KAZN: variants seen among roughly 807,000 people sequenced by gnomAD.
KAZN encodes the protein kazrin.
KAZN carries 40 observed loss-of-function variants against 87.4 expected under a neutral mutation model. The observed-to-expected ratio is 0.46, with a 90% CI of 0.36 to 0.60. KAZN has a LOEUF of 0.60. Ranked by LOEUF, KAZN falls within the 20% of genes least tolerant of loss-of-function variation. The pLI, the probability that KAZN is intolerant of heterozygous loss-of-function variation, is 0.00. For synonymous variants in KAZN, 466 were observed against 458.3 expected (o/e 1.02, Z -0.22); for missense variants, 898 against 1,073.9 (o/e 0.84, Z 2.29).
chr1:14,943,595 C>A (rs185821256), intron 1 of KAZN, among the ~76,000 whole-genome samples: 5 of 152,318 alleles, frequency 3.3e-5, no homozygotes, highest in Admixed American at 3.3e-4. Flanking sequence ...ATGGTATAGA[C>A]CCCCAATTAA....
chr1:14,912,126 CAG>C lies in KAZN; in HGVS notation c.227-48550_227-48549del, dbSNP rs1333226321. Among the ~76,000 whole-genome samples the C allele has an allele frequency of 2.7e-5, 3 of 109,420 alleles. No individual in the cohort carries two copies. The South Asian group carries it at 9.7e-4, about 35-fold the overall frequency. The allele number at this position is 109,420 out of a possible 152,430, so 71.8% of individuals were successfully genotyped here. ...CACAACTGCACTCCAGCCTGGGTAACAGAGAGAGACTCCACCTCAAAAAAAAA... is the reference window on the plus strand; with the variant it reads ...CACAACTGCACTCCAGCCTGGGTAACAGAGAGACTCCACCTCAAAAAAAAA... On this transcript the variant is annotated intron_variant, in intron 1 of 14. Transcript: ENST00000376030.
At chr1:13,929,873 C>T (rs1640440970) in intron 1 of KAZN, among the ~76,000 whole-genome samples, 1 of 152,164 alleles carries the variant, frequency 6.6e-6, no homozygotes, top group African/African-American at 2.4e-5. Flanking sequence ...GTAGCAACTG[C>T]CTGCAGTAGG....
intron 4 of KAZN, among the ~76,000 whole-genome samples, chr1:15,047,093 C>T (rs558049310): frequency 8.5e-5 from 13 of 152,304 alleles, no homozygotes; most frequent in South Asian, 2.1e-4. Flanking sequence ...TGCATCTGCC[C>T]GTGTGAATGT....
intron 1 of KAZN, among the ~76,000 whole-genome samples, chr1:14,151,132 T>C (rs1402053944): frequency 6.6e-6 from 1 of 152,218 alleles, no homozygotes; most frequent in East Asian, 1.9e-4. Flanking sequence ...CGTCTTCATC[T>C]ACAACATCAT....
At chr1:14,394,339 C>T (rs1415120028) in intron 2 of KAZN, among the ~76,000 whole-genome samples, 5 of 152,232 alleles carry the variant, frequency 3.3e-5, no homozygotes, top group African/African-American at 1.2e-4. Flanking sequence ...TTCCAATATT[C>T]TCCTGGCCAG....
chr1:14,802,606 G>GACA (rs1646072911), intron 1 of KAZN, among the ~76,000 whole-genome samples: 1 of 152,186 alleles, frequency 6.6e-6, no homozygotes, highest in Non-Finnish European at 1.5e-5. Context: ...CCAGAGCGCA[G>GACA]CCGTCTCGGG....
chr1:14,761,716 G>T (rs995411036), intron 1 of KAZN, among the ~76,000 whole-genome samples: 1 of 152,006 alleles, frequency 6.6e-6, no homozygotes, highest in Admixed American at 6.6e-5. Context: ...TCTCACAGGG[G>T]GATTTGCCTG....
chr1:14,786,986 G>A (rs1409070150), intron 1 of KAZN, among the ~76,000 whole-genome samples: 2 of 152,190 alleles, frequency 1.3e-5, no homozygotes, highest in Non-Finnish European at 2.9e-5. Context: ...CTGCTTATTA[G>A]TTTCCAACTC....
At chr1:14,962,449 G>A (rs1420336250) in intron 2 of KAZN, among the ~76,000 whole-genome samples, 1 of 152,196 alleles carries the variant, frequency 6.6e-6, no homozygotes, top group Non-Finnish European at 1.5e-5. Flanking sequence ...TTGCCAAGTA[G>A]GCGTACTTTT....
intron 2 of KAZN, among the ~76,000 whole-genome samples, chr1:14,475,822 C>G (rs576800397): frequency 1.3e-5 from 2 of 151,690 alleles, no homozygotes; most frequent in South Asian, 4.1e-4. Context: ...ATCTTTTTTA[C>G]GCTAAATAAT....
At chr1:14,569,640 A>G (rs550314533) in intron 2 of KAZN, among the ~76,000 whole-genome samples, 1 of 152,040 alleles carries the variant, frequency 6.6e-6, no homozygotes, top group African/African-American at 2.4e-5. Flanking sequence ...TACTTTTTTA[A>G]TGGAAATACT....
chr1:14,486,848 G>GA (rs1209629145), intron 2 of KAZN, among the ~76,000 whole-genome samples: 1 of 152,234 alleles, frequency 6.6e-6, no homozygotes, highest in Non-Finnish European at 1.5e-5. Context: ...ATACTTGCCA[G>GA]GCCATCGGTT....
chr1:14,426,239 C>T (rs1050178718), intron 2 of KAZN, among the ~76,000 whole-genome samples: 1 of 152,174 alleles, frequency 6.6e-6, no homozygotes, highest in Non-Finnish European at 1.5e-5. Flanking sequence ...CCATAATGAC[C>T]TCCTTCAGGG....
chr1:14,365,170 A>C (rs2100993946), intron 2 of KAZN, among the ~76,000 whole-genome samples: 1 of 151,904 alleles, frequency 6.6e-6, no homozygotes, highest in Admixed American at 6.6e-5. Context: ...CAGCCTCCCG[A>C]GTAGCTGGTA....
At chr1:14,279,859 C>T (rs1215489107) in intron 2 of KAZN, among the ~76,000 whole-genome samples, 1 of 152,102 alleles carries the variant, frequency 6.6e-6, no homozygotes, top group Non-Finnish European at 1.5e-5. Context: ...AAGAACGGCC[C>T]AGGAGCTGCT....
At chr1:14,719,920 A>T (rs934553556) in intron 1 of KAZN, among the ~76,000 whole-genome samples, 3 of 152,214 alleles carry the variant, frequency 2.0e-5, no homozygotes, top group African/African-American at 7.2e-5. Context: ...GCCAGTGCAA[A>T]GGCCCTACAG....
At chr1:14,944,929 T>A (rs1557646992) in intron 1 of KAZN, among the ~76,000 whole-genome samples, 1 of 152,198 alleles carries the variant, frequency 6.6e-6, no homozygotes, top group Non-Finnish European at 1.5e-5. Flanking sequence ...ATTCTGGGCT[T>A]CCTTCCGAGT....
At chr1:14,231,368 GTA>G (rs1413164235) in intron 2 of KAZN, among the ~76,000 whole-genome samples, 5 of 146,176 alleles carry the variant, frequency 3.4e-5, no homozygotes, top group Non-Finnish European at 6.0e-5. Flanking sequence ...TTGATAAAGT[GTA>G]GCCAGAAGGG....
At chr1:14,363,911 ATG>A (rs577670561) in intron 2 of KAZN, among the ~76,000 whole-genome samples, 1 of 151,828 alleles carries the variant, frequency 6.6e-6, no homozygotes, top group Non-Finnish European at 1.5e-5. Context: ...TTTTGCGTGT[ATG>A]TGTGTATGTA....
Sources: allele counts gnomAD v4.1 joint callset (sites outside exome capture counted in the v4.1 genomes callset), GRCh38; gene constraint gnomAD v4.1.1; transcripts MANE v1.5; gene names NCBI Gene and HGNC (gene_info 2026-07-23, HGNC 2026-07-21).